The following PHF24 variants were observed in gnomAD, a reference collection of about 807,000 sequenced individuals.
PHF24 encodes the protein PHD finger protein 24, also known as Galpha inhibitory interacting protein.
PHF24 carries 25 observed loss-of-function variants against 42.6 expected under a neutral mutation model. The ratio of observed to expected loss-of-function variants is 0.59; its 90% CI spans 0.43 to 0.82. PHF24 has a LOEUF of 0.82. PHF24 is among the 40% of genes least tolerant of loss of function. The pLI is 0.00. For synonymous variants in PHF24, 185 were observed against 204.8 expected (o/e 0.90, Z 0.83); for missense variants, 470 against 538.1 (o/e 0.87, Z 1.25).
chr9:34,709,461 C>G, the PHF24 span: 1 of 1,613,326 alleles, frequency 6.2e-7, no homozygotes, highest in Non-Finnish European at 8.5e-7. Flanking sequence ...GAGGGGCTGA[C>G]TGAGGCTCCC....
chr9:34,797,169 G>T, the PHF24 span, among the ~76,000 whole-genome samples: 1 of 152,118 alleles, frequency 6.6e-6, no homozygotes, highest in East Asian at 1.9e-4. Context: ...AAACCTCTAG[G>T]GAAGCATACA....
the PHF24 span, chr9:34,837,110 C>G: frequency 2.1e-6 from 1 of 471,136 alleles, no homozygotes; most frequent in Non-Finnish European, 4.4e-6. Flanking sequence ...GATCTTCTTC[C>G]TGAGAAAGTC....
chr9:34,727,728 A>T, the PHF24 span, among the ~76,000 whole-genome samples: 1 of 152,242 alleles, frequency 6.6e-6, no homozygotes, highest in Non-Finnish European at 1.5e-5. Context: ...TGGGTAACTT[A>T]TCTCATGGCT....
At chr9:34,857,400 C>T in the PHF24 span, among the ~76,000 whole-genome samples, 5,148 of 152,314 alleles carry the variant, frequency 0.034, 201 homozygotes, top group East Asian at 0.19. Flanking sequence ...TGAGGCTCCA[C>T]CTGGCTCTGT....
chr9:34,801,964 G>C, the PHF24 span, among the ~76,000 whole-genome samples: 1 of 152,128 alleles, frequency 6.6e-6, no homozygotes, highest in South Asian at 2.1e-4. Context: ...TGCATGCAGG[G>C]CTTAAAACCT....
chr9:34,978,070 C>T (rs1188563317), exon 8 of PHF24: 1 of 1,614,176 alleles, frequency 6.2e-7, no homozygotes, highest in Non-Finnish European at 8.5e-7. Context: ...CCTGGCTGCT[C>T]GCCCCAACAG....
At chr9:34,762,043 T>C in the PHF24 span, among the ~76,000 whole-genome samples, 12 of 151,842 alleles carry the variant, frequency 7.9e-5, no homozygotes, top group Non-Finnish European at 1.5e-4. Flanking sequence ...TTTTTATGGC[T>C]GCATAGTATT....
At chr9:34,911,723 A>G in the PHF24 span, among the ~76,000 whole-genome samples, 1 of 152,284 alleles carries the variant, frequency 6.6e-6, no homozygotes, top group East Asian at 1.9e-4. Flanking sequence ...TAAAAAAAAA[A>G]AACTGTCCAG....
the PHF24 span, among the ~76,000 whole-genome samples, chr9:34,848,409 T>C: frequency 6.6e-6 from 1 of 151,818 alleles, no homozygotes; most frequent in African/African-American, 2.4e-5. Context: ...TAGTGTTCTC[T>C]GATGGTAGTT....
At chr9:34,856,102 T>C in the PHF24 span, among the ~76,000 whole-genome samples, 2 of 152,198 alleles carry the variant, frequency 1.3e-5, no homozygotes, top group Admixed American at 6.5e-5. Flanking sequence ...AGTTCTTGTG[T>C]TGTGTTTTTT....
chr9:34,703,256 C>T, the PHF24 span, among the ~76,000 whole-genome samples: 2 of 151,936 alleles, frequency 1.3e-5, no homozygotes, highest in Admixed American at 6.6e-5. Context: ...CTCACAGCAA[C>T]CTCCTGGGTT....
chr9:34,783,166 A>G, the PHF24 span, among the ~76,000 whole-genome samples: 2 of 152,292 alleles, frequency 1.3e-5, no homozygotes, highest in South Asian at 2.1e-4. Flanking sequence ...TTCAGTCCTT[A>G]GAACTTAAAT....
At chr9:34,695,608 C>T in the PHF24 span, among the ~76,000 whole-genome samples, 1 of 152,150 alleles carries the variant, frequency 6.6e-6, no homozygotes, top group African/African-American at 2.4e-5. Context: ...ACTGAACCCT[C>T]AACTTGTGGG....
chr9:34,793,724 G>C, the PHF24 span, among the ~76,000 whole-genome samples: 4 of 151,908 alleles, frequency 2.6e-5, no homozygotes, highest in African/African-American at 7.3e-5. Flanking sequence ...TAACACTCAG[G>C]TAAAGTGTGA....
At chr9:34,970,199 A>G (rs565479459) in intron 1 of PHF24, among the ~76,000 whole-genome samples, 64 of 152,358 alleles carry the variant, frequency 4.2e-4, no homozygotes, top group African/African-American at 1.5e-3. Context: ...AGGCTAGGAA[A>G]TAGCAGACCA....
chr9:34,789,168 A>T, the PHF24 span, among the ~76,000 whole-genome samples: 1 of 152,182 alleles, frequency 6.6e-6, no homozygotes. Context: ...CAGAGAAAAA[A>T]GGTAGAGACT....
intron 3 of PHF24, among the ~76,000 whole-genome samples, chr9:34,974,825 C>T (rs1365863812): frequency 6.6e-6 from 1 of 152,164 alleles, no homozygotes; most frequent in African/African-American, 2.4e-5. Context: ...GCCCCCAAAC[C>T]TGCTCTTCCT....
chr9:34,780,290 C>CTTTTCT, the PHF24 span, among the ~76,000 whole-genome samples: 13 of 113,950 alleles, frequency 1.1e-4, no homozygotes, highest in African/African-American at 4.1e-4. Context: ...TCTTTTTTTT[C>CTTTTCT]TTTTTTTCTT....
chr9:34,807,626 G>C, the PHF24 span, among the ~76,000 whole-genome samples: 32 of 152,278 alleles, frequency 2.1e-4, 2 homozygotes, highest in South Asian at 6.6e-3. Flanking sequence ...ACCACTGAGA[G>C]AGTCTTTAGA....
Sources: gnomAD v4.1 joint callset for allele counts (sites outside exome capture counted in the v4.1 genomes callset) on GRCh38, gnomAD v4.1.1 for gene constraint, MANE v1.5 for transcripts, NCBI Gene and HGNC (gene_info 2026-07-23, HGNC 2026-07-21) for gene names.